The following FRMPD1 variants were observed in gnomAD, a reference collection of about 807,000 sequenced individuals.
FRMPD1 encodes the protein FERM and PDZ domain-containing protein 1.
FRMPD1 carries 76 observed loss-of-function variants against 117.8 expected under a neutral mutation model. The ratio of observed to expected loss-of-function variants is 0.65; its 90% CI spans 0.54 to 0.78. The LOEUF (loss-of-function observed/expected upper bound fraction) is 0.78, where lower values mean the gene tolerates loss of function less well. Among genes scored for constraint, FRMPD1 ranks in the 30% least tolerant of loss-of-function variants. The pLI is 0.00. For synonymous variants in FRMPD1, 783 were observed against 770.4 expected (o/e 1.02, Z -0.27); for missense variants, 1,786 against 1,964.5 (o/e 0.91, Z 1.72).
chr9:37,645,668 T>C, the FRMPD1 span, among the ~76,000 whole-genome samples: 1 of 152,238 alleles, frequency 6.6e-6, no homozygotes, highest in Non-Finnish European at 1.5e-5. Context: ...TACAGTGAAT[T>C]GGACAATTCA....
At chr9:37,689,907 CTT>C (rs545091276) in intron 1 of FRMPD1, among the ~76,000 whole-genome samples, 40 of 151,404 alleles carry the variant, frequency 2.6e-4, no homozygotes, top group African/African-American at 9.4e-4. Context: ...TGTATGTAAT[CTT>C]TTTTTTTCCT....
At chr9:37,695,162 A>C (rs918857588) in intron 2 of FRMPD1, among the ~76,000 whole-genome samples, 1 of 152,154 alleles carries the variant, frequency 6.6e-6, no homozygotes, top group African/African-American at 2.4e-5. Context: ...AGTTCTCCTG[A>C]GTATATACTT....
intron 14 of FRMPD1, 24 bp downstream of exon 14, chr9:37,737,267 A>T (rs752322063): frequency 5.0e-6 from 8 of 1,612,880 alleles, no homozygotes; most frequent in Non-Finnish European, 6.8e-6. Flanking sequence ...TCTTGCCCCA[A>T]TAAGGACAGG....
the FRMPD1 span, among the ~76,000 whole-genome samples, chr9:37,615,542 C>T: frequency 6.6e-6 from 1 of 152,178 alleles, no homozygotes; most frequent in Non-Finnish European, 1.5e-5. Context: ...GGTGACTTAG[C>T]AAATCTCTAC....
chr9:37,669,392 T>C (rs1821273538), intron 1 of FRMPD1, among the ~76,000 whole-genome samples: 1 of 152,128 alleles, frequency 6.6e-6, no homozygotes, highest in Non-Finnish European at 1.5e-5. Context: ...GCCCCAGACC[T>C]AGGGAAACTC....
At chr9:37,680,774 C>T (rs1311264617) in intron 1 of FRMPD1, among the ~76,000 whole-genome samples, 38 of 152,090 alleles carry the variant, frequency 2.5e-4, no homozygotes, top group Admixed American at 2.4e-3. Context: ...CATGATAAAC[C>T]GCCTTTCAGG....
In FRMPD1 at chr9:37,740,678, G is replaced by C. The variant is rs899683747; in HGVS notation, c.2150G>C (p.Ser717Thr). The part of the protein sequence containing the change: ...YSLCSSVSPA[S>T]YLSDSSESTA... ...CTGTGTTCCAGTGTCTCCCCGGCCAGCTACCTGAGTGACAGTTCCGAGAGT... is the reference window on the plus strand; with the variant it reads ...CTGTGTTCCAGTGTCTCCCCGGCCACCTACCTGAGTGACAGTTCCGAGAGT... Residue 717 changes from serine (S) to threonine (T), a missense_variant, in exon 15 of 16, where the codon AGC (serine) becomes ACC (threonine). Transcript: ENST00000377765. This position sits in a 1 kb window ranked among gnomAD's most constrained non-coding sequence, Gnocchi z 4.2. 6.2e-7 allele frequency: 1 copy of C among 1,614,192 alleles called. No individual in the cohort carries two copies. The highest frequency in any genetic ancestry group is 8.5e-7 in the Non-Finnish European group (1 of 1,180,018).
chr9:37,663,330 T>A (rs1421306711), intron 1 of FRMPD1, among the ~76,000 whole-genome samples: 1 of 152,116 alleles, frequency 6.6e-6, no homozygotes, highest in Non-Finnish European at 1.5e-5. Context: ...TGGAGGAGTC[T>A]GCATTGGAGA....
At chr9:37,714,610 A>G (rs866954565) in intron 5 of FRMPD1, among the ~76,000 whole-genome samples, 6 of 93,886 alleles carry the variant, frequency 6.4e-5, no homozygotes, top group African/African-American at 2.2e-4. Context: ...ATTTTATTTT[A>G]TTTTATTTTA....
chr9:37,724,003 A>G (rs1823508849), intron 6 of FRMPD1, among the ~76,000 whole-genome samples: 1 of 151,744 alleles, frequency 6.6e-6, no homozygotes, highest in Non-Finnish European at 1.5e-5. Context: ...TGTCAAAAAA[A>G]ATAAAAAAAA....
At chr9:37,663,951 C>T (rs542666267) in intron 1 of FRMPD1, among the ~76,000 whole-genome samples, 15 of 152,204 alleles carry the variant, frequency 9.9e-5, no homozygotes, top group South Asian at 2.1e-4. Context: ...ATCTTTTCCC[C>T]GAATATTTTC....
intron 1 of FRMPD1, among the ~76,000 whole-genome samples, chr9:37,685,647 G>A (rs939476667): frequency 1.4e-4 from 21 of 148,268 alleles, no homozygotes; most frequent in East Asian, 6.4e-4. Flanking sequence ...GCGAGACTCC[G>A]TCTCAAAAAA....
upstream of FRMPD1, among the ~76,000 whole-genome samples, chr9:37,650,587 G>T (rs1820637702): frequency 6.6e-6 from 1 of 152,218 alleles, no homozygotes; most frequent in South Asian, 2.1e-4. Flanking sequence ...GTGAGAAGGG[G>T]GTCGTTTTGG....
intron 1 of FRMPD1, among the ~76,000 whole-genome samples, chr9:37,667,103 A>C (rs372133822): frequency 8.1e-6 from 1 of 124,152 alleles, no homozygotes; most frequent in Non-Finnish European, 1.6e-5. Flanking sequence ...TTGCTTTGTC[A>C]CCCAGGCTGG....
chr9:37,681,195 A>G (rs1478151752), intron 1 of FRMPD1, among the ~76,000 whole-genome samples: 2 of 145,536 alleles, frequency 1.4e-5, no homozygotes, highest in Non-Finnish European at 3.0e-5. Flanking sequence ...CCTGGGAGAC[A>G]AAGCCAGACT....
intron 1 of FRMPD1, among the ~76,000 whole-genome samples, chr9:37,652,876 C>A (rs1321470987): frequency 6.6e-6 from 1 of 152,086 alleles, no homozygotes; most frequent in Admixed American, 6.6e-5. Flanking sequence ...GCCTGGGATT[C>A]CTGTGAACAC....
At chr9:37,631,340 CCA>C in the FRMPD1 span, among the ~76,000 whole-genome samples, 1 of 152,176 alleles carries the variant, frequency 6.6e-6, no homozygotes, top group Non-Finnish European at 1.5e-5. Flanking sequence ...GGCTGTGAAG[CCA>C]TGGGATTTAT....
the FRMPD1 span, chr9:37,636,869 G>A: frequency 6.2e-7 from 1 of 1,611,376 alleles, no homozygotes. Flanking sequence ...GATGCCCAAA[G>A]AGTCTGCAAA....
chr9:37,707,177 T>C (rs1390254344), intron 2 of FRMPD1, among the ~76,000 whole-genome samples: 2 of 152,192 alleles, frequency 1.3e-5, no homozygotes, highest in African/African-American at 4.8e-5. Flanking sequence ...TCCATAGCAC[T>C]TCCTGGGCGC....
Sources: allele counts gnomAD v4.1 joint callset (sites outside exome capture counted in the v4.1 genomes callset), GRCh38; gene constraint gnomAD v4.1.1; non-coding constraint Gnocchi (gnomAD v3.1); transcripts MANE v1.5; gene names NCBI Gene and HGNC (gene_info 2026-07-23, HGNC 2026-07-21).